Variants in C17orf99 observed in about 807,000 individuals in gnomAD.
The protein encoded by C17orf99 is chromosome 17 open reading frame 99.
Under a neutral mutation model 22.6 loss-of-function variants are expected in C17orf99, and 18 were observed. The observed-to-expected ratio is 0.80, with a 90% confidence interval of 0.55 to 1.18. C17orf99 has a LOEUF of 1.18. Among genes scored for constraint, C17orf99 ranks in the 50% most tolerant of loss-of-function variants. The probability of loss-of-function intolerance (pLI) is 0.00; values close to 1 mark genes in which losing one functional copy is unlikely to be tolerated. For synonymous variants in C17orf99, 147 were observed against 136.6 expected (o/e 1.08, Z -0.53); for missense variants, 328 against 342.7 (o/e 0.96, Z 0.34).
intron 2 of C17orf99, among the ~76,000 whole-genome samples, chr17:78,149,100 G>C (rs1346034798): frequency 6.6e-6 from 1 of 152,102 alleles, no homozygotes; most frequent in Non-Finnish European, 1.5e-5. Flanking sequence ...GGGAGGCCGA[G>C]GCAGGCAGAT....
intron 2 of C17orf99, among the ~76,000 whole-genome samples, chr17:78,154,618 G>A (rs919379366): frequency 1.3e-5 from 2 of 151,944 alleles, no homozygotes; most frequent in Admixed American, 6.6e-5. Flanking sequence ...TGAGGCAGGT[G>A]GATCACCTGA....
In C17orf99 at chr17:78,166,155, CAAAAAAAA is replaced by C; in HGVS notation, c.*124_*131del. 173 of 141,304 alleles carry C rather than the reference CAAAAAAAA, an allele frequency of 1.2e-3. No homozygotes were observed. The highest frequency in any genetic ancestry group is 1.8e-3 in the East Asian group (13 of 7,176). The allele number at this position is 141,304 out of a possible 1,614,324, so 8.8% of individuals were successfully genotyped here. ...GAGTGTGTTTTAGCTGCTCTTGCCACAAAAAAAAAAAAAAAAAAAAAAGGGTAACTATG... is the reference window on the plus strand; with the variant it reads ...GAGTGTGTTTTAGCTGCTCTTGCCACAAAAAAAAAAAAAAGGGTAACTATG... On this transcript the variant is annotated 3_prime_UTR_variant, in exon 5 of 5. Transcript: ENST00000340363.
intron 4 of C17orf99, chr17:78,165,632 G>A (rs894236633): frequency 2.7e-5 from 25 of 914,162 alleles, no homozygotes; most frequent in African/African-American, 7.1e-5. Context: ...AAGAAACCCC[G>A]TCTCTACTAA....
intron 2 of C17orf99, among the ~76,000 whole-genome samples, chr17:78,159,591 C>CAA (rs58887528): frequency 0.34 from 47,859 of 140,430 alleles, 8,858 homozygotes; most frequent in East Asian, 0.48. Context: ...GACTCTGTCT[C>CAA]AAAAAAAAAA....
upstream of C17orf99, chr17:78,146,257 T>A: frequency 1.6e-6 from 1 of 623,124 alleles, no homozygotes; most frequent in Non-Finnish European, 2.7e-6. The surrounding 1 kb of genome is among the most constrained non-coding windows in gnomAD (Gnocchi z 5.2). Context: ...GGCCCCGCCC[T>A]GGTAGCTGAG....
rs1451053465 is a variant in C17orf99, at chr17:78,146,925, C to T, written c.70+14C>T. ...CACGGGAGGAAGGTAAGTGGCATAG[C>T]CTGCTGCAGGGAGAAGTCCCCCAGC... On this transcript the variant is annotated intron_variant, in intron 2 of 4. Transcript: ENST00000340363. This position sits in a 1 kb window ranked among gnomAD's most constrained non-coding sequence, Gnocchi z 5.2. 2 of 1,550,916 alleles carry T rather than the reference C, an allele frequency of 1.3e-6. No individual in the cohort carries two copies. The highest frequency in any genetic ancestry group is 1.4e-5 in the African/African-American group (1 of 73,024).
chr17:78,164,458 A>G (rs1374013207), intron 4 of C17orf99, 94 bp downstream of exon 4: 1 of 1,547,862 alleles, frequency 6.5e-7, no homozygotes, highest in Non-Finnish European at 8.7e-7. Context: ...GAAGTGGGAC[A>G]GCTCTACCCG....
chr17:78,163,394 C>T (rs1264086498), intron 3 of C17orf99, among the ~76,000 whole-genome samples: 1 of 152,208 alleles, frequency 6.6e-6, no homozygotes, highest in East Asian at 1.9e-4. Context: ...TTCTACATGA[C>T]AGTTTTTGTC....
chr17:78,154,050 C>T (rs1237153712), intron 2 of C17orf99, among the ~76,000 whole-genome samples: 1 of 150,930 alleles, frequency 6.6e-6, no homozygotes, highest in Admixed American at 6.6e-5. Flanking sequence ...CTCAGCCTCC[C>T]GAGTAGCTGG....
Position 78,161,180 on chromosome 17 carries a change from TCTG to T in C17orf99, c.300_302del (p.Cys100del). On this transcript the variant is annotated inframe_deletion, in exon 3 of 5. Coordinates refer to ENST00000340363, the MANE Select transcript of C17orf99 (RefSeq NM_001163075.2). Reference sequence around the variant, plus strand: ...TCCAGTCCAGACCTGCTCACCTACTTCTGCTGGGCGTCCTCCACCTCAGGTGCC... The same window carrying T: ...TCCAGTCCAGACCTGCTCACCTACTTCTGGGCGTCCTCCACCTCAGGTGCC... 6.4e-7 allele frequency: 1 copy of T among 1,551,712 alleles called. No individual in the cohort carries two copies. The highest frequency in any genetic ancestry group is 8.7e-7 in the Non-Finnish European group (1 of 1,146,968).
At chr17:78,153,714 C>T (rs1385406177) in intron 2 of C17orf99, among the ~76,000 whole-genome samples, 1 of 152,120 alleles carries the variant, frequency 6.6e-6, no homozygotes, top group South Asian at 2.1e-4. Context: ...CCACGTGAGG[C>T]AGGCTTCTGG....
At chr17:78,157,525 G>C (rs1000005612) in intron 2 of C17orf99, 3 of 1,065,358 alleles carry the variant, frequency 2.8e-6, no homozygotes, top group African/African-American at 3.3e-5. Context: ...TAGGCCGGGC[G>C]CGGTGGCTCA....
chr17:78,149,161 G>C (rs552774075), intron 2 of C17orf99, among the ~76,000 whole-genome samples: 1 of 151,926 alleles, frequency 6.6e-6, no homozygotes, highest in African/African-American at 2.4e-5. Context: ...GTGAAACCCA[G>C]TCTCTAATGA....
intron 2 of C17orf99, among the ~76,000 whole-genome samples, chr17:78,155,977 C>T (rs913652867): frequency 3.3e-5 from 5 of 151,902 alleles, no homozygotes; most frequent in African/African-American, 1.2e-4. Flanking sequence ...ATAATACAAC[C>T]CTCTCCCTCA....
At chr17:78,164,415 G>A (rs1278668477) in intron 4 of C17orf99, 51 bp downstream of exon 4, 2 of 1,550,844 alleles carry the variant, frequency 1.3e-6, no homozygotes, top group South Asian at 2.4e-5. Flanking sequence ...TCTGTGCCGG[G>A]AGGGTGCTAG....
intron 2 of C17orf99, among the ~76,000 whole-genome samples, chr17:78,151,355 C>T (rs1228179292): frequency 1.6e-5 from 2 of 126,944 alleles, no homozygotes; most frequent in African/African-American, 3.0e-5. Context: ...AAACCAGAGG[C>T]GGAGGTTGCA....
At chr17:78,159,570 C>T (rs1302160434) in intron 2 of C17orf99, among the ~76,000 whole-genome samples, 2 of 141,038 alleles carry the variant, frequency 1.4e-5, no homozygotes, top group Non-Finnish European at 3.0e-5. Flanking sequence ...ACACGGGAGG[C>T]GACAGTGCAA....
intron 2 of C17orf99, among the ~76,000 whole-genome samples, chr17:78,156,728 C>T (rs925569021): frequency 2.0e-5 from 3 of 152,156 alleles, no homozygotes; most frequent in African/African-American, 7.2e-5. Context: ...GATCCTCTCC[C>T]CTCAACCTCT....
chr17:78,149,855 A>G (rs1056516203), intron 2 of C17orf99, among the ~76,000 whole-genome samples: 12 of 151,870 alleles, frequency 7.9e-5, no homozygotes, highest in South Asian at 2.1e-4. Flanking sequence ...GACTACAGGC[A>G]CATGCCACCA....
Sources: gnomAD v4.1 joint callset for allele counts (sites outside exome capture counted in the v4.1 genomes callset) on GRCh38, gnomAD v4.1.1 for gene constraint, Gnocchi (gnomAD v3.1) non-coding constraint, MANE v1.5 for transcripts, NCBI Gene and HGNC (gene_info 2026-07-23, HGNC 2026-07-21) for gene names.